The following ZDHHC20 variants were observed in gnomAD, a reference collection of about 807,000 sequenced individuals.
ZDHHC20 encodes the protein palmitoyltransferase ZDHHC20.
In ZDHHC20, 43 loss-of-function variants were observed where a neutral mutation model predicts 57.8. The ratio of observed to expected loss-of-function variants is 0.74; its 90% confidence interval spans 0.58 to 0.96. ZDHHC20 has a LOEUF of 0.96. Ranked by LOEUF, ZDHHC20 falls within the 40% of genes least tolerant of loss-of-function variation. ZDHHC20 has a pLI of 0.00. For synonymous variants in ZDHHC20, 157 were observed against 153.0 expected, an observed-to-expected ratio of 1.03 and a Z score of -0.19; for missense variants, 391 against 441.1, an observed-to-expected ratio of 0.89 and a Z score of 1.02.
chr13:21,423,376 A>G (rs1032593509), intron 2 of ZDHHC20, among the ~76,000 whole-genome samples: 2 of 152,156 alleles, frequency 1.3e-5, no homozygotes, highest in African/African-American at 4.8e-5. Flanking sequence ...TACCCAATGG[A>G]CTCAGTATCA....
chr13:21,434,237 T>G (rs1882313432), intron 1 of ZDHHC20, among the ~76,000 whole-genome samples: 1 of 152,230 alleles, frequency 6.6e-6, no homozygotes, highest in Admixed American at 6.5e-5. Flanking sequence ...CTCACATTTG[T>G]ATCTCCTTTT....
At chr13:21,402,686 G>C (rs1877866253) in intron 5 of ZDHHC20, 111 bp downstream of exon 5, 1 of 845,332 alleles carries the variant, frequency 1.2e-6, no homozygotes, top group Non-Finnish European at 1.9e-6. Flanking sequence ...AATGGGAGAG[G>C]ATGAAGTGTT....
chr13:21,458,376 A>G (rs1885091151), intron 1 of ZDHHC20, among the ~76,000 whole-genome samples: 1 of 152,230 alleles, frequency 6.6e-6, no homozygotes, highest in South Asian at 2.1e-4. Flanking sequence ...AGCCAAGAAA[A>G]AAATAATCAG....
At chr13:21,427,480 C>A (rs1021567206) in intron 1 of ZDHHC20, among the ~76,000 whole-genome samples, 1 of 152,070 alleles carries the variant, frequency 6.6e-6, no homozygotes, top group Non-Finnish European at 1.5e-5. Context: ...TAGTTTCCAG[C>A]GGTTGTCTCT....
In ZDHHC20 at chr13:21,378,660, C is replaced by T. The variant is rs1872675191; in HGVS notation, c.*40+1G>A. 1.4e-6 allele frequency: 2 copies of T among 1,419,014 alleles called. No individual in the cohort carries two copies. The highest frequency in any genetic ancestry group is 1.9e-6 in the Non-Finnish European group (2 of 1,073,668). The allele number at this position is 1,419,014 out of a possible 1,614,324, so 87.9% of individuals were successfully genotyped here. The stretch of plus-strand genomic sequence containing the variant: ...CAAGGATTACCTTTATACTGTCTTA[C>T]CTTGCTCTTATTCAAATGGTTAGTT... On this transcript the variant is annotated splice_donor_variant, in intron 12 of 12. Transcript: ENST00000400590. LOFTEE classifies it low-confidence loss of function (3UTR_SPLICE).
Position 21,374,045 on chromosome 13 carries a change from G to A in ZDHHC20, c.*2651C>T, listed in dbSNP as rs1326192520. The A allele has an allele frequency of 6.5e-6, 1 of 155,028 alleles. No individual in the cohort carries two copies. The highest frequency in any genetic ancestry group is 1.4e-5 in the Non-Finnish European group (1 of 69,550). The allele number at this position is 155,028 out of a possible 1,614,324, so 9.6% of individuals were successfully genotyped here. ...GACTATACCATGAAAGTGCATAATA[G>A]TGAAGAAAAAAATGAAGTTCCCTTG... On this transcript the variant is annotated 3_prime_UTR_variant, in exon 13 of 13. Transcript: ENST00000400590.
At chr13:21,440,104 T>C (rs547127585) in intron 1 of ZDHHC20, among the ~76,000 whole-genome samples, 26 of 122,684 alleles carry the variant, frequency 2.1e-4, no homozygotes, top group Non-Finnish European at 3.9e-4. Context: ...AAAAAGACAA[T>C]GTTCTTGTTC....
rs779948468 is a variant in ZDHHC20 at position 21,421,024 on chromosome 13, G to C, written c.249+37C>G. The C allele has an allele frequency of 1.9e-6, 3 of 1,548,192 alleles. No individual in the cohort carries two copies. The East Asian group carries it at 6.8e-5, about 35-fold the overall frequency. On this transcript the variant is annotated intron_variant, in intron 3 of 12. Transcript: ENST00000400590. ...CAAGGGAAAAAAAATTCCATAATCA[G>C]TTAAAACATTTGGTAATTTACCAAC...
Position 21,387,601 on chromosome 13 carries a change from G to A in ZDHHC20, c.761C>T (p.Pro254Leu). The A allele has an allele frequency of 2.0e-6, 3 of 1,500,236 alleles. No homozygotes were observed. Among genetic ancestry groups the A allele is most frequent in the Non-Finnish European group, 2.7e-6 (3 of 1,120,262 alleles). 92.9% of individuals were successfully genotyped at this position (1,500,236 alleles called of 1,614,324 possible). ...SFRAPTFSYG[P>L]DGNGFSLGCS... is the part of the protein sequence containing the mutation. ...TCCAAGAGAGAAACCATTTCCATCA[G>A]GTCCGTATGAAAACGTGGGTGCGCG... The change falls in exon 9 of 13, where the codon CCT becomes CTT. Residue 254 changes from proline (P) to leucine (L), a missense_variant. Around this residue, in one of 3 missense-constraint regions of ZDHHC20, gnomAD observed 197 missense variants for 220.8 expected, o/e 0.89. Coordinates refer to ENST00000400590, the MANE Select transcript of ZDHHC20 (RefSeq NM_001330059.2).
chr13:21,402,722 T>C (rs1877874856), intron 5 of ZDHHC20, 75 bp downstream of exon 5: 1 of 1,234,666 alleles, frequency 8.1e-7, no homozygotes, highest in Non-Finnish European at 1.2e-6. Context: ...GCATATAAAA[T>C]GTTCCTTCCC....
At chr13:21,446,997 G>T (rs1883771692) in intron 1 of ZDHHC20, among the ~76,000 whole-genome samples, 1 of 152,036 alleles carries the variant, frequency 6.6e-6, no homozygotes, top group Non-Finnish European at 1.5e-5. Flanking sequence ...CGCCAGTCAA[G>T]ATCTTGAGAA....
chr13:21,386,193 AAAGAC>A (rs1474389649), intron 9 of ZDHHC20, among the ~76,000 whole-genome samples: 5 of 152,098 alleles, frequency 3.3e-5, no homozygotes, highest in African/African-American at 1.2e-4. Context: ...AACACAGAAA[AAAGAC>A]AAAAAATGAA....
intron 4 of ZDHHC20, among the ~76,000 whole-genome samples, chr13:21,404,836 T>C (rs529732176): frequency 1.2e-4 from 18 of 152,000 alleles, no homozygotes; most frequent in African/African-American, 4.1e-4. Context: ...TTTATAACTA[T>C]ATACCCTATC....
chr13:21,390,223 G>C (rs988770015), intron 8 of ZDHHC20: 1 of 152,110 alleles, frequency 6.6e-6, no homozygotes, highest in African/African-American at 2.4e-5. Context: ...CAGATTGCAG[G>C]TGGATTTTAA....
intron 3 of ZDHHC20, among the ~76,000 whole-genome samples, 164 bp downstream of exon 3, chr13:21,420,897 G>A (rs1197737123): frequency 1.3e-5 from 2 of 152,174 alleles, no homozygotes; most frequent in African/African-American, 4.8e-5. Flanking sequence ...GACTGTATCT[G>A]AGAATAGGCT....
chr13:21,401,184 T>G (rs1167690817), intron 6 of ZDHHC20, among the ~76,000 whole-genome samples: 1 of 151,720 alleles, frequency 6.6e-6, no homozygotes, highest in Admixed American at 6.6e-5. Flanking sequence ...GAGACTGAGG[T>G]GGAAGAATCA....
chr13:21,434,422 T>G (rs964215041), intron 1 of ZDHHC20, among the ~76,000 whole-genome samples: 1 of 152,238 alleles, frequency 6.6e-6, no homozygotes, highest in Admixed American at 6.5e-5. Flanking sequence ...TTGTGCTGAA[T>G]CAAAATTGTT....
chr13:21,376,544 G>A lies in ZDHHC20; in HGVS notation c.*152C>T. On this transcript the variant is annotated 3_prime_UTR_variant, in exon 13 of 13. Coordinates refer to ENST00000400590, the MANE Select transcript of ZDHHC20 (RefSeq NM_001330059.2). ...CTGTGAATCCCAGGAACTGTACAAA[G>A]GCTTTCCGTTTTAAAAAATATATCT... The A allele has an allele frequency of 1.1e-6, 1 of 892,706 alleles. No individual in the cohort carries two copies. The highest frequency in any genetic ancestry group is 1.6e-6 in the Non-Finnish European group (1 of 618,628). 55.3% of individuals were successfully genotyped at this position (892,706 alleles called of 1,614,324 possible).
At chr13:21,427,571 C>T (rs189886724) in intron 1 of ZDHHC20, among the ~76,000 whole-genome samples, 19 of 152,206 alleles carry the variant, frequency 1.2e-4, no homozygotes, top group African/African-American at 4.3e-4. Context: ...CGGTGGCTCA[C>T]GCCTGTAATC....
Sources: allele counts gnomAD v4.1 joint callset (sites outside exome capture counted in the v4.1 genomes callset), GRCh38; gene constraint gnomAD v4.1.1; regional missense constraint gnomAD v4.1.1; transcripts MANE v1.5; gene names NCBI Gene and HGNC (gene_info 2026-07-23, HGNC 2026-07-21).